LRP10: variants seen among roughly 807,000 people sequenced by gnomAD.
LRP10 encodes LDL receptor related protein 10.
A neutral mutation model predicts 58.5 loss-of-function variants in LRP10; 42 were observed. The observed-to-expected ratio is 0.72, with a 90% CI of 0.56 to 0.93. The LOEUF is 0.93. LRP10 is among the 40% of genes least tolerant of loss of function. The pLI is 0.00. For missense variants in LRP10, 872 were observed against 940.1 expected (o/e 0.93, Z 0.95); for synonymous variants, 377 against 388.5 (o/e 0.97, Z 0.35).
In LRP10 at chr14:22,872,728, C is replaced by T. The variant is rs1225430373; in HGVS notation, c.35-10C>T. On this transcript the variant is annotated splice_polypyrimidine_tract_variant and intron_variant, in intron 1 of 6. Coordinates refer to ENST00000359591, the MANE Select transcript of LRP10 (RefSeq NM_014045.5). ...TCTCACGCTCCTGCCCTTTCTCGTT[C>T]CTCCTCTAGGAGGCGCTCTGGCCCA... 2 of 1,613,918 alleles carry T rather than the reference C, an allele frequency of 1.2e-6. No homozygotes were observed.
chr14:22,877,971 A>C lies in LRP10; in HGVS notation c.*444A>C. ...AGAACCTGAGGTTTTGCCATCCACA[A>C]TCCCTCCTACAGGGCCTGGCTCACA... On this transcript the variant is annotated 3_prime_UTR_variant, in exon 7 of 7. Transcript: ENST00000359591. This position sits in a 1 kb window ranked among gnomAD's most constrained non-coding sequence, Gnocchi z 5.1. 6.3e-6 allele frequency: 1 copy of C among 159,192 alleles called. No individual in the cohort carries two copies. The highest frequency in any genetic ancestry group is 1.4e-5 in the Non-Finnish European group (1 of 72,934). 9.9% of individuals were successfully genotyped at this position (159,192 alleles called of 1,614,324 possible).
At position 22,873,508 on chromosome 14, in the gene LRP10, A is replaced by C. The variant is rs939825756; in HGVS notation, c.215+62A>C. 6.7e-5 allele frequency: 104 copies of C among 1,557,298 alleles called. 1 individual carries two copies. Among genetic ancestry groups the C allele is most frequent in the Non-Finnish European group, 8.7e-5 (100 of 1,148,318 alleles). On this transcript the variant is annotated intron_variant, in intron 3 of 6. Transcript: ENST00000359591. ...CCCCTGCCCCTTCCCCTCCATTGGAAGTCTTCAGGGATCACTTCTTTTTTT... is the reference window on the plus strand; with the variant it reads ...CCCCTGCCCCTTCCCCTCCATTGGACGTCTTCAGGGATCACTTCTTTTTTT...
Position 22,877,070 on chromosome 14 carries a change from G to A in LRP10, c.1685G>A (p.Arg562His), listed in dbSNP as rs142153001. The A allele has an allele frequency of 7.9e-3, 12,691 of 1,613,822 alleles. 71 individuals carry two copies. Among genetic ancestry groups the A allele is most frequent in the Non-Finnish European group, 8.8e-3 (10,400 of 1,179,876 alleles). Reference sequence around the variant, plus strand: ...CGACGCCTGGTACGCCGTCTCCGCCGCTGGGGCTTGCTCCCTCGAACCAAC... The same window carrying A: ...CGACGCCTGGTACGCCGTCTCCGCCACTGGGGCTTGCTCCCTCGAACCAAC... ...LMRRLVRRLR[R>H]WGLLPRTNTP... The change falls in exon 7 of 7, where the codon CGC becomes CAC. Residue 562 changes from arginine to histidine, a missense_variant. By Grantham distance (29) the Arg-to-His change is conservative. Coordinates refer to ENST00000359591, the MANE Select transcript of LRP10 (RefSeq NM_014045.5). The surrounding 1 kb of genome is among the most constrained non-coding windows in gnomAD (Gnocchi z 5.1).
rs2040034480 is a variant in LRP10 at position 22,878,913 on chromosome 14, G to T, written c.*1386G>T. On this transcript the variant is annotated 3_prime_UTR_variant, in exon 7 of 7. Transcript: ENST00000359591. ...CAGAAGCTGCCCCAGAGTTTGGAAG[G>T]AAGATCGAGGCAGAAGATGTAGAAG... 3.7e-6 allele frequency: 1 copy of T among 270,108 alleles called. No individual in the cohort carries two copies. The highest frequency in any genetic ancestry group is 3.9e-5 in the Admixed American group (1 of 25,340). 16.7% of individuals were successfully genotyped at this position (270,108 alleles called of 1,614,324 possible).
In LRP10 at chr14:22,877,007, G is replaced by T; in HGVS notation, c.1622G>T (p.Gly541Val). 6.2e-7 allele frequency: 1 copy of T among 1,611,212 alleles called. No individual in the cohort carries two copies. The highest frequency in any genetic ancestry group is 8.5e-7 in the Non-Finnish European group (1 of 1,178,686). ...CGCCAGGATATGACTCCAGGAGGTG[G>T]CCCAGGTGCCCGCCGTCGTCAGCGG... ...ILRQDMTPGGGPGARRRQRGR... is the reference protein window; with the variant it reads ...ILRQDMTPGGVPGARRRQRGR... The change falls in exon 7 of 7, where the codon GGC becomes GTC. Residue 541 changes from glycine to valine, a missense_variant. Physicochemically the swap from Gly to Val is moderately radical, Grantham distance 109 (BLOSUM62 -3). Coordinates refer to ENST00000359591, the MANE Select transcript of LRP10 (RefSeq NM_014045.5). The surrounding 1 kb of genome is among the most constrained non-coding windows in gnomAD (Gnocchi z 5.1).
In LRP10 at chr14:22,875,506, C is replaced by T. The variant is rs546778796; in HGVS notation, c.558C>T (p.Pro186=). ...CCTTCCCTGGCCTGACCCCAAGACC[C>T]GTCCCCTCCCTGCCTTGCAATGTCA... ...SDPFPGLTPR[P]VPSLPCNVTL... Residue 186 remains proline, a synonymous_variant, in exon 5 of 7, where the codon CCC becomes CCT. Transcript: ENST00000359591. The T allele has an allele frequency of 1.1e-5, 18 of 1,614,194 alleles. No homozygotes were observed. Among genetic ancestry groups the T allele is most frequent in the African/African-American group, 8.0e-5 (6 of 75,040 alleles).
rs748879596 is a variant in LRP10, at chr14:22,872,755, C to A, written c.52C>A (p.Pro18Thr). ...TCCTCTAGGAGGCGCTCTGGCCCAT[C>A]CAGACCGGATTATTTTTCCAAATCA... Reference protein sequence around the residue: ...LLLLGGALAHPDRIIFPNHAC... With the variant: ...LLLLGGALAHTDRIIFPNHAC... Residue 18 changes from proline (P) to threonine (T), a missense_variant, in exon 2 of 7, where the codon CCA becomes ACA. Transcript: ENST00000359591. 1.9e-6 allele frequency: 3 copies of A among 1,614,138 alleles called. No homozygotes were observed. Among genetic ancestry groups the A allele is most frequent in the Non-Finnish European group, 1.7e-6 (2 of 1,180,014 alleles).
chr14:22,877,020 C>T lies in LRP10; in HGVS notation c.1635C>T (p.Arg545=), dbSNP rs1245758288. ...DMTPGGGPGA[R]RRQRGRLMRR... is the part of the protein sequence containing the mutation. ...CTCCAGGAGGTGGCCCAGGTGCCCGCCGTCGTCAGCGGGGCCGCTTGATGC... is the reference window on the plus strand; with the variant it reads ...CTCCAGGAGGTGGCCCAGGTGCCCGTCGTCGTCAGCGGGGCCGCTTGATGC... Residue 545 remains arginine (R), a synonymous_variant, in exon 7 of 7, where the codon CGC becomes CGT. Transcript: ENST00000359591. The surrounding 1 kb of genome is among the most constrained non-coding windows in gnomAD (Gnocchi z 5.1). The T allele has an allele frequency of 1.9e-6, 3 of 1,612,402 alleles. No individual in the cohort carries two copies. In the Admixed American group the frequency reaches 5.0e-5, roughly 27 times the overall value.
rs776454622 is a variant in LRP10 at position 22,875,222 on chromosome 14, G to A, written c.383G>A (p.Gly128Asp). ...YAGARAPMGQGFLLSYSQDWL... is the reference protein window; with the variant it reads ...YAGARAPMGQDFLLSYSQDWL... ...GGGGCCAGAGCACCCATGGGCCAGG[G>A]CTTCCTGCTCTCCTACAGCCAAGGT... Residue 128 changes from glycine to aspartate, a missense_variant, in exon 4 of 7, where the codon GGC becomes GAC. Physicochemically the swap from Gly to Asp is moderately conservative, Grantham distance 94. Coordinates refer to ENST00000359591, the MANE Select transcript of LRP10 (RefSeq NM_014045.5). The A allele has an allele frequency of 1.9e-5, 31 of 1,603,282 alleles. No individual in the cohort carries two copies. In the African/African-American group the frequency reaches 4.0e-4, roughly 21 times the overall value.
In LRP10 at chr14:22,876,288, T is replaced by C. The variant is rs1273681654; in HGVS notation, c.1340T>C (p.Ile447Thr). The change falls in exon 5 of 7, where the codon ATT becomes ACT. Residue 447 changes from isoleucine (I) to threonine (T), a missense_variant. Physicochemically the swap from Ile to Thr is moderately conservative, Grantham distance 89. Transcript: ENST00000359591. ...LPRKVITAAV[I>T]GSLVCGLLLV... ...CGCAAGGTCATTACAGCTGCAGTCA[T>C]TGGCAGCCTAGTGTGCGGCCTGCTC... 3.7e-6 allele frequency: 6 copies of C among 1,614,118 alleles called. No individual in the cohort carries two copies. The highest frequency in any genetic ancestry group is 1.7e-5 in the Admixed American group (1 of 60,024).
chr14:22,875,477 G>C lies in LRP10; in HGVS notation c.529G>C (p.Asp177His). 6.2e-7 allele frequency: 1 copy of C among 1,614,218 alleles called. No individual in the cohort carries two copies. ...CTCTGATGAAGCAGGTTGCAGCTCA[G>C]ACCCCTTCCCTGGCCTGACCCCAAG... Reference protein sequence around the residue: ...DGSDEAGCSSDPFPGLTPRPV... With the variant: ...DGSDEAGCSSHPFPGLTPRPV... Residue 177 changes from aspartate (D) to histidine (H), a missense_variant, in exon 5 of 7, where the codon GAC becomes CAC. Asp to His is a moderately conservative substitution (Grantham distance 81, BLOSUM62 -1). Coordinates refer to ENST00000359591, the MANE Select transcript of LRP10 (RefSeq NM_014045.5).
At position 22,872,722 on chromosome 14, in the gene LRP10, C is replaced by T; in HGVS notation, c.35-16C>T. ...GGAGTGTCTCACGCTCCTGCCCTTT[C>T]TCGTTCCTCCTCTAGGAGGCGCTCT... is the stretch of plus-strand genomic sequence containing the variant. On this transcript the variant is annotated splice_polypyrimidine_tract_variant and intron_variant, in intron 1 of 6. Coordinates refer to ENST00000359591, the MANE Select transcript of LRP10 (RefSeq NM_014045.5). 6.2e-7 allele frequency: 1 copy of T among 1,613,866 alleles called. No individual in the cohort carries two copies. Among genetic ancestry groups the T allele is most frequent in the Non-Finnish European group, 8.5e-7 (1 of 1,179,836 alleles).
rs1193141400 is a variant in LRP10, at chr14:22,881,254, G to C, written c.*3727G>C. 6.6e-6 allele frequency: 1 copy of C among 152,182 alleles called. No individual in the cohort carries two copies. Among genetic ancestry groups the C allele is most frequent in the Non-Finnish European group, 1.5e-5 (1 of 68,052 alleles). The allele number at this position is 152,182 out of a possible 1,614,324, so 9.4% of individuals were successfully genotyped here. On this transcript the variant is annotated 3_prime_UTR_variant, in exon 7 of 7. Transcript: ENST00000359591. ...CATTCCTGAGGGAGCCTGGATACGG[G>C]CAAGTGCACAACCCGGGAGGTTGAG... is the stretch of plus-strand genomic sequence containing the variant.
In LRP10 at chr14:22,873,369, G is replaced by C; in HGVS notation, c.138G>C (p.Leu46=). 2 of 1,613,970 alleles carry C rather than the reference G, an allele frequency of 1.2e-6. No individual in the cohort carries two copies. The highest frequency in any genetic ancestry group is 1.7e-6 in the Non-Finnish European group (2 of 1,179,970). The change falls in exon 3 of 7, where the codon CTG becomes CTC. Residue 46 remains leucine, a synonymous_variant. Coordinates refer to ENST00000359591, the MANE Select transcript of LRP10 (RefSeq NM_014045.5). The stretch of plus-strand genomic sequence containing the variant: ...TGCAGGGCACCTTACAGAGGCCCCT[G>C]GTCCGGGACAGCCGCACCTCCCCTG... The part of the protein sequence containing the change: ...LEVQGTLQRP[L]VRDSRTSPAN...
At position 22,875,957 on chromosome 14, in the gene LRP10, C is replaced by T. The variant is rs370899992; in HGVS notation, c.1009C>T (p.Arg337Cys). 69 of 1,613,464 alleles carry T rather than the reference C, an allele frequency of 4.3e-5. No individual in the cohort carries two copies. Among genetic ancestry groups the T allele is most frequent in the Admixed American group, 3.3e-4 (20 of 60,012 alleles). Residue 337 changes from arginine to cysteine, a missense_variant, in exon 5 of 7, where the codon CGC (arginine) becomes TGC (cysteine). Arg to Cys is a radical substitution (Grantham distance 180). Transcript: ENST00000359591. ...LGERCYSEAQ[R>C]CDGSWDCADG... Reference sequence around the variant, plus strand: ...TGAGCGCTGCTACAGTGAGGCACAGCGCTGTGACGGCTCATGGGACTGTGC... The same window carrying T: ...TGAGCGCTGCTACAGTGAGGCACAGTGCTGTGACGGCTCATGGGACTGTGC...
Position 22,872,317 on chromosome 14 carries a change from CCCTCCT to C in LRP10, c.27_32del (p.Leu10_Leu11del), listed in dbSNP as rs745355268. 2 of 1,610,448 alleles carry C rather than the reference CCCTCCT, an allele frequency of 1.2e-6. No individual in the cohort carries two copies. Among genetic ancestry groups the C allele is most frequent in the East Asian group, 2.2e-5 (1 of 44,750 alleles). On this transcript the variant is annotated inframe_deletion, in exon 1 of 7. Transcript: ENST00000359591. ...GGACAGCCCAGGATGCTGTTGGCCA[CCCTCCT>C]CCTCCTCCTCCTTGGTAAGAACCGA...
Position 22,876,790 on chromosome 14 carries a change from A to T in LRP10, c.1526A>T (p.Glu509Val). The T allele has an allele frequency of 6.2e-7, 1 of 1,613,690 alleles. No individual in the cohort carries two copies. The highest frequency in any genetic ancestry group is 8.5e-7 in the Non-Finnish European group (1 of 1,179,826). ...GCCCAGGGTGCCATCCCACCTGTAG[A>T]AGACTTTCCTACAGAGAATCCTAAT... Reference protein sequence around the residue: ...LIAQGAIPPVEDFPTENPNDN... With the variant: ...LIAQGAIPPVVDFPTENPNDN... The change falls in exon 6 of 7, where the codon GAA (glutamate) becomes GTA (valine). Residue 509 changes from glutamate (E) to valine (V), a missense_variant. Coordinates refer to ENST00000359591, the MANE Select transcript of LRP10 (RefSeq NM_014045.5).
Position 22,877,270 on chromosome 14 carries a change from C to T in LRP10, c.1885C>T (p.Pro629Ser). 2 of 1,611,582 alleles carry T rather than the reference C, an allele frequency of 1.2e-6. No individual in the cohort carries two copies. Among genetic ancestry groups the T allele is most frequent in the Non-Finnish European group, 1.7e-6 (2 of 1,178,672 alleles). ...TCCCCTCCCATCTGCTAGCACGTCT[C>T]CAGCCCCCACTACTGTCCCTGAAGC... ...KAPLPSASTS[P>S]APTTVPEAPG... Residue 629 changes from proline to serine, a missense_variant, in exon 7 of 7, where the codon CCA (proline) becomes TCA (serine). Transcript: ENST00000359591. This position sits in a 1 kb window ranked among gnomAD's most constrained non-coding sequence, Gnocchi z 5.1.
chr14:22,876,901 T>C (rs780779339), intron 6 of LRP10, 39 bp from the exon 7 acceptor site: 1 of 1,585,014 alleles, frequency 6.3e-7, no homozygotes, highest in Admixed American at 1.7e-5. Flanking sequence ...CATTCAGCCT[T>C]TGGCCCTCTG....
Sources: gnomAD v4.1 joint callset for allele counts on GRCh38, gnomAD v4.1.1 for gene constraint, Gnocchi (gnomAD v3.1) non-coding constraint, MANE v1.5 for transcripts, NCBI Gene and HGNC (gene_info 2026-07-23, HGNC 2026-07-21) for gene names.